MTMR7: variants seen among roughly 807,000 people sequenced by gnomAD.
The protein encoded by MTMR7 is myotubularin related protein 7, also known as phosphatidylinositol-3-phosphate phosphatase MTMR7.
Under a neutral mutation model 81.2 loss-of-function variants are expected in MTMR7, and 76 were observed. The ratio of observed to expected loss-of-function variants is 0.94; its 90% CI spans 0.78 to 1.13. The LOEUF (loss-of-function observed/expected upper bound fraction) is 1.13, where lower values mean the gene tolerates loss of function less well. Ranked by LOEUF, MTMR7 falls within the 50% of genes most tolerant of loss-of-function variation. MTMR7 has a pLI of 0.00. For missense variants in MTMR7, 1,044 were observed against 820.0 expected, an observed-to-expected ratio of 1.27 and a Z score of -3.34; for synonymous variants, 372 against 289.8, an observed-to-expected ratio of 1.28 and a Z score of -2.88.
intron 7 of MTMR7, among the ~76,000 whole-genome samples, chr8:17,319,349 G>T (rs529549748): frequency 6.6e-6 from 1 of 152,208 alleles, no homozygotes. Context: ...TGGTAGCTAT[G>T]ATACACATTG....
chr8:17,371,261 T>A, intron 2 of MTMR7, 62 bp from the exon 3 acceptor site: 1 of 1,523,514 alleles, frequency 6.6e-7, no homozygotes, highest in Non-Finnish European at 8.9e-7. Flanking sequence ...CGACAAGGAC[T>A]AACATTTCTT....
At chr8:17,393,806 T>C (rs1327242075) in intron 1 of MTMR7, among the ~76,000 whole-genome samples, 1 of 152,192 alleles carries the variant, frequency 6.6e-6, no homozygotes, top group Non-Finnish European at 1.5e-5. Flanking sequence ...GACACGTTTA[T>C]TAATGTAACA....
At chr8:17,307,588 A>T (rs1019283221) in intron 10 of MTMR7, among the ~76,000 whole-genome samples, 9 of 152,056 alleles carry the variant, frequency 5.9e-5, no homozygotes, top group Non-Finnish European at 2.9e-5. Flanking sequence ...CATGCACATG[A>T]ATGTTTATAG....
intron 1 of MTMR7, among the ~76,000 whole-genome samples, chr8:17,393,302 G>A (rs545528618): frequency 1.3e-5 from 2 of 152,272 alleles, no homozygotes; most frequent in East Asian, 1.9e-4. Context: ...CCTAAACAGT[G>A]TAAATCTCTG....
At chr8:17,383,639 G>A (rs184213384) in intron 1 of MTMR7, among the ~76,000 whole-genome samples, 2 of 152,346 alleles carry the variant, frequency 1.3e-5, no homozygotes, top group African/African-American at 4.8e-5. Flanking sequence ...ATTTCAGTTA[G>A]AGAGGAATAT....
intron 8 of MTMR7, 42 bp downstream of exon 8, chr8:17,313,250 T>C (rs1563323699): frequency 2.8e-6 from 4 of 1,453,162 alleles, no homozygotes; most frequent in South Asian, 2.3e-5. Flanking sequence ...GTCAGTGGTT[T>C]GCTCATCTGT....
In MTMR7 at chr8:17,355,137, C is replaced by T. The variant is rs146321720; in HGVS notation, c.468+5980G>A. Among the ~76,000 whole-genome samples, 134 of 152,260 alleles carry T rather than the reference C, an allele frequency of 8.8e-4. 1 individual carries two copies. The highest frequency in any genetic ancestry group is 2.6e-3 in the African/African-American group (106 of 41,556). ...AGAAGAACCTGTATTTCCAAGGAGA[C>T]GTTATTCCACAAGATGTGGTTCAGT... is the stretch of plus-strand genomic sequence containing the variant. On this transcript the variant is annotated intron_variant, in intron 4 of 13. Coordinates refer to ENST00000180173, the MANE Select transcript of MTMR7 (RefSeq NM_004686.5).
At chr8:17,305,643 A>G (rs1817399466) in intron 11 of MTMR7, 114 bp downstream of exon 11, 2 of 817,208 alleles carry the variant, frequency 2.4e-6, no homozygotes, top group South Asian at 3.5e-5. Flanking sequence ...ATCTGTCAGT[A>G]TAGGTATGTG....
At chr8:17,378,817 G>C (rs1166156711) in intron 1 of MTMR7, among the ~76,000 whole-genome samples, 1 of 152,158 alleles carries the variant, frequency 6.6e-6, no homozygotes, top group African/African-American at 2.4e-5. Context: ...TTCTTCTTTT[G>C]TGGTTCATAA....
intron 4 of MTMR7, among the ~76,000 whole-genome samples, chr8:17,356,397 G>A (rs549515847): frequency 5.3e-5 from 8 of 152,084 alleles, no homozygotes; most frequent in East Asian, 3.9e-4. Context: ...TATGAAAAAC[G>A]CTTCAAAAAA....
chr8:17,325,672 C>G (rs1187103563), intron 7 of MTMR7, among the ~76,000 whole-genome samples: 2 of 152,212 alleles, frequency 1.3e-5, no homozygotes, highest in Admixed American at 1.3e-4. Flanking sequence ...GAACAACTTG[C>G]TGAGAAAATA....
chr8:17,346,243 C>A (rs546764518), intron 5 of MTMR7: 2 of 152,106 alleles, frequency 1.3e-5, no homozygotes, highest in Non-Finnish European at 2.9e-5. Context: ...GATCATTATT[C>A]CACCTGCAAA....
At chr8:17,364,741 A>G (rs1259388166) in intron 3 of MTMR7, among the ~76,000 whole-genome samples, 1 of 152,238 alleles carries the variant, frequency 6.6e-6, no homozygotes, top group African/African-American at 2.4e-5. Context: ...CACAAATAAC[A>G]CAATGTCTTC....
rs763616539 is a variant in MTMR7, at chr8:17,349,062, G to C, written c.488C>G (p.Thr163Ser). The part of the protein sequence containing the change: ...RDYRVCDSYP[T>S]ELYVPKSATA... ...GGCCGATTTGGGAACGTACAGTTCA[G>C]TAGGATAAGAGTCACAGACCTGTCA... Residue 163 changes from threonine to serine, a missense_variant, in exon 5 of 14, where the codon ACT becomes AGT. Physicochemically the swap from Thr to Ser is moderately conservative, Grantham distance 58. Coordinates refer to ENST00000180173, the MANE Select transcript of MTMR7 (RefSeq NM_004686.5). 50 of 1,612,242 alleles carry C rather than the reference G, an allele frequency of 3.1e-5. No homozygotes were observed. The highest frequency in any genetic ancestry group is 4.1e-5 in the Non-Finnish European group (48 of 1,179,804).
intron 6 of MTMR7, chr8:17,338,587 G>A (rs996228393): frequency 1.6e-4 from 24 of 152,170 alleles, no homozygotes; most frequent in Non-Finnish European, 2.9e-5. Flanking sequence ...CAAAGGGTAC[G>A]AAGAAGAGGT....
chr8:17,312,430 C>A (rs139478129), intron 8 of MTMR7, among the ~76,000 whole-genome samples: 2,800 of 152,106 alleles, frequency 0.018, 106 homozygotes, highest in African/African-American at 0.064. Context: ...CAAAAATTAG[C>A]CAGGCATAGT....
At chr8:17,381,749 C>T (rs1374126193) in intron 1 of MTMR7, among the ~76,000 whole-genome samples, 1 of 152,174 alleles carries the variant, frequency 6.6e-6, no homozygotes, top group Non-Finnish European at 1.5e-5. Flanking sequence ...GCAGCCAAAA[C>T]CAAAGACAAG....
intron 1 of MTMR7, among the ~76,000 whole-genome samples, chr8:17,376,629 T>C (rs76799067): frequency 6.6e-6 from 1 of 152,288 alleles, no homozygotes; most frequent in African/African-American, 2.4e-5. Context: ...ATTATAGTCA[T>C]CCTAATATGC....
intron 1 of MTMR7, among the ~76,000 whole-genome samples, chr8:17,399,217 C>G (rs1821351292): frequency 6.6e-6 from 1 of 152,020 alleles, no homozygotes. Flanking sequence ...ATGATATGAT[C>G]TTATATTTGG....
Sources: allele counts gnomAD v4.1 joint callset (sites outside exome capture counted in the v4.1 genomes callset), GRCh38; gene constraint gnomAD v4.1.1; transcripts MANE v1.5; gene names NCBI Gene and HGNC (gene_info 2026-07-23, HGNC 2026-07-21).